ARHGAP6: variants seen among roughly 807,000 people sequenced by gnomAD.
The protein encoded by ARHGAP6 is rho GTPase-activating protein 6.
A neutral mutation model predicts 55.7 loss-of-function variants in ARHGAP6; 16 were observed. That is an observed-to-expected ratio of 0.29 (90% CI 0.19 to 0.44). The LOEUF (loss-of-function observed/expected upper bound fraction) is 0.44. Among genes scored for constraint, ARHGAP6 ranks in the 20% least tolerant of loss-of-function variants. The probability of loss-of-function intolerance (pLI) is 1.00; values close to 1 mark genes in which losing one functional copy is unlikely to be tolerated. For missense variants in ARHGAP6, 698 were observed against 808.9 expected (o/e 0.86, Z 1.66); for synonymous variants, 382 against 360.9 (o/e 1.06, Z -0.66).
At chrX:11,549,477 G>A (rs1265048219) in intron 1 of ARHGAP6, among the ~76,000 whole-genome samples, 2 of 112,086 alleles carry the variant, frequency 1.8e-5, no homozygotes, top group Admixed American at 1.9e-4. Flanking sequence ...TCAAAAGAAG[G>A]AAAGCAGAAT....
intron 1 of ARHGAP6, among the ~76,000 whole-genome samples, chrX:11,313,224 A>T (rs754117339): frequency 1.8e-5 from 2 of 112,186 alleles, no homozygotes; most frequent in African/African-American, 6.5e-5. Context: ...CTGCTACACA[A>T]AGTACCACAC....
intron 1 of ARHGAP6, among the ~76,000 whole-genome samples, chrX:11,611,864 A>G (rs753592543): frequency 9.1e-6 from 1 of 110,174 alleles, no homozygotes; most frequent in East Asian, 2.8e-4. Flanking sequence ...TGCAGTGACA[A>G]CTGAGTGACT....
intron 1 of ARHGAP6, among the ~76,000 whole-genome samples, chrX:11,313,488 C>T (rs144419120): frequency 5.4e-5 from 6 of 111,681 alleles, no homozygotes; most frequent in Middle Eastern, 4.6e-3. Context: ...TTTCCTAAGG[C>T]GTCAGTCACA....
At chrX:11,412,873 C>A (rs912269460) in intron 1 of ARHGAP6, among the ~76,000 whole-genome samples, 1 of 112,278 alleles carries the variant, frequency 8.9e-6, no homozygotes, top group Non-Finnish European at 1.9e-5. Flanking sequence ...ACATAACTCT[C>A]CAGCAGACCA....
intron 1 of ARHGAP6, among the ~76,000 whole-genome samples, chrX:11,475,933 A>G (rs1015772455): frequency 9.0e-6 from 1 of 111,300 alleles, no homozygotes; most frequent in African/African-American, 3.3e-5. Flanking sequence ...GTGATCGAGA[A>G]ATTCTCAAAA....
chrX:11,504,231 T>C (rs1048827093), intron 1 of ARHGAP6, among the ~76,000 whole-genome samples: 1 of 112,444 alleles, frequency 8.9e-6, no homozygotes. Context: ...TTTTTGTTAT[T>C]ATGTTTAATT....
At chrX:11,427,750 G>T (rs970141549) in intron 1 of ARHGAP6, 1 of 763,525 alleles carries the variant, frequency 1.3e-6, no homozygotes, top group Admixed American at 8.6e-5. Flanking sequence ...CTGGCACAGC[G>T]TCCCGCTGCC....
chrX:11,619,850 G>C (rs1466891555), intron 1 of ARHGAP6, among the ~76,000 whole-genome samples: 1 of 111,568 alleles, frequency 9.0e-6, no homozygotes, highest in African/African-American at 3.3e-5. Flanking sequence ...GAAAGGGCTG[G>C]GGTAGGTTCC....
intron 3 of ARHGAP6, among the ~76,000 whole-genome samples, chrX:11,189,707 T>A (rs1285238439): frequency 8.9e-6 from 1 of 112,042 alleles, no homozygotes; most frequent in African/African-American, 3.2e-5. Flanking sequence ...GGAAACAATT[T>A]GTTAAATCCT....
chrX:11,226,588 G>A (rs1315666928), intron 2 of ARHGAP6, among the ~76,000 whole-genome samples: 1 of 111,931 alleles, frequency 8.9e-6, no homozygotes, highest in Non-Finnish European at 1.9e-5. Context: ...TATAAATCTT[G>A]TGTATAAAAT....
chrX:11,314,066 A>C (rs2048328784), intron 1 of ARHGAP6, among the ~76,000 whole-genome samples: 1 of 112,600 alleles, frequency 8.9e-6, no homozygotes, highest in Admixed American at 9.4e-5. Flanking sequence ...TTAAGTAATT[A>C]TTGTGCGTGT....
At chrX:11,443,941 C>G (rs2050066674) in intron 1 of ARHGAP6, among the ~76,000 whole-genome samples, 2 of 103,282 alleles carry the variant, frequency 1.9e-5, no homozygotes, top group African/African-American at 7.3e-5. Context: ...CAAAACAAAA[C>G]AAAAAAGAAA....
At chrX:11,317,775 T>A (rs1323761729) in intron 1 of ARHGAP6, among the ~76,000 whole-genome samples, 1 of 111,465 alleles carries the variant, frequency 9.0e-6, no homozygotes, top group East Asian at 2.8e-4. Flanking sequence ...GCAAGTAGAA[T>A]GGCTCATTTT....
At chrX:11,462,718 T>A (rs1421345396) in intron 1 of ARHGAP6, among the ~76,000 whole-genome samples, 5 of 112,347 alleles carry the variant, frequency 4.5e-5, no homozygotes, top group African/African-American at 6.5e-5. Flanking sequence ...TTTACCTGCA[T>A]GGGATTCAAA....
chrX:11,411,691 G>C (rs1158101686), intron 1 of ARHGAP6, among the ~76,000 whole-genome samples: 2 of 110,837 alleles, frequency 1.8e-5, no homozygotes, highest in Admixed American at 9.6e-5. Context: ...AGGTGGCCTA[G>C]AAAGGAAAAA....
chrX:11,651,138 CTTTAACT>C (rs2052579387), intron 1 of ARHGAP6, among the ~76,000 whole-genome samples: 1 of 111,357 alleles, frequency 9.0e-6, no homozygotes, highest in South Asian at 3.9e-4. Context: ...ATCCTAGGTT[CTTTAACT>C]TTTATTTTAG....
chrX:11,516,190 A>G (rs1371931009), intron 1 of ARHGAP6, among the ~76,000 whole-genome samples: 2 of 112,468 alleles, frequency 1.8e-5, no homozygotes, highest in Non-Finnish European at 3.7e-5. Flanking sequence ...TTAAAATTAC[A>G]TTTTGTAAGT....
intron 3 of ARHGAP6, among the ~76,000 whole-genome samples, chrX:11,189,421 G>C (rs1055063081): frequency 8.9e-6 from 1 of 112,114 alleles, no homozygotes; most frequent in African/African-American, 3.2e-5. Flanking sequence ...TCAGGTGTTA[G>C]AGAGATGCAT....
intron 9 of ARHGAP6, among the ~76,000 whole-genome samples, chrX:11,158,090 C>T (rs775914500): frequency 1.8e-5 from 2 of 111,916 alleles, no homozygotes; most frequent in African/African-American, 3.3e-5. Flanking sequence ...GTCTCCATTT[C>T]CCTCCTCTTA....
Sources: gnomAD v4.1 joint callset for allele counts (sites outside exome capture counted in the v4.1 genomes callset) on GRCh38, gnomAD v4.1.1 for gene constraint, MANE v1.5 for transcripts, NCBI Gene and HGNC (gene_info 2026-07-23, HGNC 2026-07-21) for gene names.